TENM3: variants seen among roughly 807,000 people sequenced by gnomAD.
The protein encoded by TENM3 is teneurin transmembrane protein 3.
TENM3 carries 63 observed loss-of-function variants against 255.1 expected under a neutral mutation model. The ratio of observed to expected loss-of-function variants is 0.25; its 90% CI spans 0.20 to 0.30. The LOEUF is 0.30. Among genes scored for constraint, TENM3 ranks in the 10% least tolerant of loss-of-function variants. TENM3 has a pLI of 1.00. For synonymous variants in TENM3, 1,306 were observed against 1,322.3 expected (o/e 0.99, Z 0.27); for missense variants, 2,929 against 3,461.1 (o/e 0.85, Z 3.86).
At chr4:182,469,896 AATG>A (rs1732955742) in intron 3 of TENM3, among the ~76,000 whole-genome samples, 1 of 151,870 alleles carries the variant, frequency 6.6e-6, no homozygotes, top group East Asian at 1.9e-4. Context: ...CAGTGATTTT[AATG>A]ATATTTTTTT....
chr4:182,627,667 A>AATATACTGT lies in TENM3; in HGVS notation c.750-982_750-974dup, dbSNP rs1462346662. 4.1e-4 allele frequency among the ~76,000 whole-genome samples: 62 copies of AATATACTGT among 152,310 alleles called. 1 individual carries two copies. On this transcript the variant is annotated intron_variant, in intron 4 of 27. Transcript: ENST00000511685. ...CTGTATATTCAGTGGATACTCACTG[A>AATATACTGT]ATATACTGTAAGTAACCAGCATAAT... is the stretch of plus-strand genomic sequence containing the variant.
chr4:181,925,367 T>C, the TENM3 span, among the ~76,000 whole-genome samples: 1 of 152,192 alleles, frequency 6.6e-6, no homozygotes, highest in Non-Finnish European at 1.5e-5. Flanking sequence ...TTAAAGAACA[T>C]TATTGGTTTA....
the TENM3 span, among the ~76,000 whole-genome samples, chr4:181,736,325 T>C: frequency 6.6e-6 from 1 of 152,066 alleles, no homozygotes; most frequent in Non-Finnish European, 1.5e-5. Context: ...AATATAAATT[T>C]CTATTCTTTC....
chr4:182,561,506 T>C (rs566607761), intron 3 of TENM3, among the ~76,000 whole-genome samples: 1 of 152,056 alleles, frequency 6.6e-6, no homozygotes, highest in East Asian at 1.9e-4. Context: ...TGGATAGTTT[T>C]AGTTTTTCTC....
intron 1 of TENM3, among the ~76,000 whole-genome samples, chr4:182,222,392 A>G (rs1042306625): frequency 2.0e-5 from 3 of 152,192 alleles, no homozygotes; most frequent in Non-Finnish European, 4.4e-5. Context: ...CACATTCCAA[A>G]CCAACAGCAA....
At chr4:181,504,126 T>A in the TENM3 span, among the ~76,000 whole-genome samples, 6 of 152,184 alleles carry the variant, frequency 3.9e-5, no homozygotes, top group Non-Finnish European at 8.8e-5. Context: ...CCAGGCATTT[T>A]CTCGCTTTGT....
intron 3 of TENM3, among the ~76,000 whole-genome samples, chr4:182,395,078 T>G (rs1204005319): frequency 6.6e-6 from 1 of 152,216 alleles, no homozygotes; most frequent in Non-Finnish European, 1.5e-5. Context: ...AGAATGGAGC[T>G]GTGTGCACAC....
chr4:182,687,010 C>T (rs1756630434), intron 11 of TENM3, among the ~76,000 whole-genome samples: 1 of 152,050 alleles, frequency 6.6e-6, no homozygotes, highest in Non-Finnish European at 1.5e-5. Flanking sequence ...TATTACAACT[C>T]TCGTAGTGCC....
chr4:182,746,885 A>G (rs1009366836), intron 19 of TENM3, among the ~76,000 whole-genome samples: 1 of 152,226 alleles, frequency 6.6e-6, no homozygotes, highest in African/African-American at 2.4e-5. Flanking sequence ...CATTGATAAA[A>G]TAGGGATTCC....
chr4:181,605,712 A>G, the TENM3 span, among the ~76,000 whole-genome samples: 4 of 152,214 alleles, frequency 2.6e-5, no homozygotes, highest in Non-Finnish European at 4.4e-5. Context: ...CAAGAGTACT[A>G]GAAAAGTACT....
chr4:182,242,191 A>T (rs559015001), upstream of TENM3, among the ~76,000 whole-genome samples: 2 of 151,768 alleles, frequency 1.3e-5, no homozygotes, highest in Non-Finnish European at 2.9e-5. Flanking sequence ...TATATCTCCT[A>T]ATGCTATCCC....
the TENM3 span, among the ~76,000 whole-genome samples, chr4:182,021,433 C>T: frequency 9.9e-5 from 15 of 152,154 alleles, no homozygotes; most frequent in Non-Finnish European, 2.1e-4. Context: ...TCCCTCTCCT[C>T]TTTCTCACTT....
At chr4:181,927,038 G>GTGCC in the TENM3 span, among the ~76,000 whole-genome samples, 1 of 152,140 alleles carries the variant, frequency 6.6e-6, no homozygotes, top group Non-Finnish European at 1.5e-5. Flanking sequence ...ATTCCCTTGG[G>GTGCC]TGCCTATGCC....
the TENM3 span, among the ~76,000 whole-genome samples, chr4:181,773,253 CT>C: frequency 6.6e-6 from 1 of 152,180 alleles, no homozygotes; most frequent in Non-Finnish European, 1.5e-5. Flanking sequence ...AAAATTACCT[CT>C]TTCTCTTTAC....
chr4:181,863,256 C>A, the TENM3 span, among the ~76,000 whole-genome samples: 1 of 152,146 alleles, frequency 6.6e-6, no homozygotes, highest in African/African-American at 2.4e-5. Context: ...TTTAACCCAA[C>A]ATTCATACTT....
intron 19 of TENM3, among the ~76,000 whole-genome samples, chr4:182,744,334 A>G (rs889902526): frequency 1.3e-5 from 2 of 152,114 alleles, no homozygotes; most frequent in African/African-American, 4.8e-5. Context: ...TATACAATAT[A>G]TTGCGAGTTA....
chr4:181,854,443 T>C, the TENM3 span, among the ~76,000 whole-genome samples: 3 of 152,156 alleles, frequency 2.0e-5, no homozygotes. Context: ...AACCAGCAAA[T>C]GTGCCAAACT....
chr4:182,069,031 T>C, the TENM3 span, among the ~76,000 whole-genome samples: 2 of 151,680 alleles, frequency 1.3e-5, no homozygotes, highest in Non-Finnish European at 2.9e-5. Context: ...CAAAATGAAA[T>C]AAAACACAAT....
intron 1 of TENM3, among the ~76,000 whole-genome samples, chr4:182,322,719 A>G (rs1293528906): frequency 6.6e-6 from 1 of 152,140 alleles, no homozygotes; most frequent in African/African-American, 2.4e-5. Context: ...TCAGAGACAG[A>G]GACAGACAGA....
Sources: gnomAD v4.1 joint callset for allele counts (sites outside exome capture counted in the v4.1 genomes callset) on GRCh38, gnomAD v4.1.1 for gene constraint, MANE v1.5 for transcripts, NCBI Gene and HGNC (gene_info 2026-07-23, HGNC 2026-07-21) for gene names.